MVB12B: variants seen among roughly 807,000 people sequenced by gnomAD.
MVB12B encodes multivesicular body subunit 12B, also known as ESCRT-I complex subunit MVB12B.
A neutral mutation model predicts 41.6 loss-of-function variants in MVB12B; 16 were observed. The observed-to-expected ratio is 0.38, with a 90% CI of 0.26 to 0.58. MVB12B has a LOEUF of 0.58. MVB12B is among the 20% of genes least tolerant of loss of function. The pLI is 0.62. For synonymous variants in MVB12B, 133 were observed against 139.7 expected (o/e 0.95, Z 0.34); for missense variants, 274 against 380.2 (o/e 0.72, Z 2.32).
chr9:126,418,658 C>T (rs1831899096), intron 6 of MVB12B, among the ~76,000 whole-genome samples: 1 of 152,172 alleles, frequency 6.6e-6, no homozygotes, highest in South Asian at 2.1e-4. Flanking sequence ...CTCCACGTGG[C>T]CTGGCCCCAC....
chr9:126,442,767 T>C (rs2119142309), intron 7 of MVB12B, among the ~76,000 whole-genome samples: 1 of 152,236 alleles, frequency 6.6e-6, no homozygotes. Flanking sequence ...CTTCTGGCCA[T>C]GGTGGCAAGG....
chr9:126,431,739 G>A (rs1240151095), intron 7 of MVB12B, among the ~76,000 whole-genome samples: 7 of 152,186 alleles, frequency 4.6e-5, no homozygotes, highest in Non-Finnish European at 7.3e-5. Context: ...GAAGCAGGGT[G>A]GGAGCCCAAA....
intron 2 of MVB12B, among the ~76,000 whole-genome samples, chr9:126,341,491 A>G (rs185871626): frequency 3.5e-4 from 53 of 152,340 alleles, no homozygotes; most frequent in Non-Finnish European, 6.0e-4. Context: ...AAGAATGCAT[A>G]AGAGTGAAAG....
Position 126,457,288 on chromosome 9 carries a change from A to G in MVB12B, c.758-24081A>G, listed in dbSNP as rs187808756. ...GGGTGGGATCAGTTTTTTAAAATAA[A>G]GAGACGAAGTGTCACTTCAAGGGAG... On this transcript the variant is annotated intron_variant, in intron 7 of 9. Coordinates refer to ENST00000361171, the MANE Select transcript of MVB12B (RefSeq NM_033446.3). Among the ~76,000 whole-genome samples, 186 of 152,316 alleles carry G rather than the reference A, an allele frequency of 1.2e-3. 1 individual carries two copies. Among genetic ancestry groups the G allele is most frequent in the Non-Finnish European group, 2.0e-3 (134 of 68,026 alleles).
rs1178292936 is a variant in MVB12B, at chr9:126,486,240, G to T, written c.873+2208G>T. 4.6e-5 allele frequency among the ~76,000 whole-genome samples: 7 copies of T among 152,174 alleles called. 1 individual carries two copies. In the East Asian group the frequency reaches 1.4e-3, roughly 29 times the overall value. ...GCTGGCTGGGACATTAGAAACATAG[G>T]TGTGCATAAAATTTCACACCTGCCC... On this transcript the variant is annotated intron_variant, in intron 9 of 9. Coordinates refer to ENST00000361171, the MANE Select transcript of MVB12B (RefSeq NM_033446.3). The surrounding 1 kb of genome is among the most constrained non-coding windows in gnomAD (Gnocchi z 4.7).
intron 2 of MVB12B, among the ~76,000 whole-genome samples, chr9:126,341,934 A>C (rs900971371): frequency 6.6e-6 from 1 of 152,218 alleles, no homozygotes; most frequent in African/African-American, 2.4e-5. Flanking sequence ...AATGCTACAC[A>C]TCCCTTCTCC....
intron 1 of MVB12B, among the ~76,000 whole-genome samples, chr9:126,332,458 C>A (rs1829156408): frequency 6.6e-6 from 1 of 152,196 alleles, no homozygotes; most frequent in African/African-American, 2.4e-5. Flanking sequence ...CTGCAGCCAG[C>A]CTGGGCACCC....
intron 7 of MVB12B, among the ~76,000 whole-genome samples, chr9:126,467,334 T>G (rs1484806104): frequency 6.6e-6 from 1 of 152,156 alleles, no homozygotes; most frequent in East Asian, 1.9e-4. Context: ...ATCGATAGAG[T>G]CTCACTCTCA....
At chr9:126,457,022 G>C (rs984459285) in intron 7 of MVB12B, among the ~76,000 whole-genome samples, 3 of 152,128 alleles carry the variant, frequency 2.0e-5, no homozygotes, top group African/African-American at 7.2e-5. Context: ...GCTCTCACCA[G>C]AGTTTCTTCC....
intron 9 of MVB12B, among the ~76,000 whole-genome samples, chr9:126,491,433 T>C (rs2119222141): frequency 6.6e-6 from 1 of 152,300 alleles, no homozygotes. Context: ...TTGAAGAATT[T>C]TGTGGCGCGA....
In MVB12B at chr9:126,478,547, G is replaced by A. The variant is rs1007487572; in HGVS notation, c.758-2822G>A. 6.6e-6 allele frequency among the ~76,000 whole-genome samples: 1 copy of A among 152,202 alleles called. No individual in the cohort carries two copies. The highest frequency in any genetic ancestry group is 2.4e-5 in the African/African-American group (1 of 41,452). ...CTGCAGGAGAGGCACTCAGAAGACT[G>A]GGAAGGACAGTTGAGGTACAAGCAT... On this transcript the variant is annotated intron_variant, in intron 7 of 9. Transcript: ENST00000361171. The surrounding 1 kb of genome is among the most constrained non-coding windows in gnomAD (Gnocchi z 4.2).
At position 126,503,628 on chromosome 9, in the gene MVB12B, G is replaced by A. The variant is rs1211042313; in HGVS notation, c.*365G>A. On this transcript the variant is annotated 3_prime_UTR_variant, in exon 10 of 10. Transcript: ENST00000361171. ...CCAGTGACGCCCACCGGCTCCCTCC[G>A]CTCCCTCCTGTCACCTACCAGGGCA... is the stretch of plus-strand genomic sequence containing the variant. The A allele has an allele frequency of 2.6e-5, 6 of 227,372 alleles. No individual in the cohort carries two copies. Among genetic ancestry groups the A allele is most frequent in the Non-Finnish European group, 3.8e-5 (5 of 131,828 alleles). 14.1% of individuals were successfully genotyped at this position (227,372 alleles called of 1,614,324 possible).
At chr9:126,380,102 T>C (rs1462877535) in intron 2 of MVB12B, among the ~76,000 whole-genome samples, 1 of 152,128 alleles carries the variant, frequency 6.6e-6, no homozygotes, top group Non-Finnish European at 1.5e-5. Flanking sequence ...TTCCTGGATG[T>C]CCCCCTTCGC....
chr9:126,465,635 A>AC (rs1156631238), intron 7 of MVB12B, among the ~76,000 whole-genome samples: 4 of 123,806 alleles, frequency 3.2e-5, no homozygotes, highest in South Asian at 2.8e-4. Context: ...CATGGAGCTT[A>AC]CCCTTTAAAT....
chr9:126,359,400 G>C (rs1287625306), intron 2 of MVB12B, among the ~76,000 whole-genome samples: 1 of 152,070 alleles, frequency 6.6e-6, no homozygotes, highest in Non-Finnish European at 1.5e-5. Flanking sequence ...TAGTATTAGG[G>C]TAATACTGGT....
chr9:126,396,122 C>A (rs1042332476), intron 6 of MVB12B: 5 of 990,854 alleles, frequency 5.0e-6, no homozygotes, highest in East Asian at 1.1e-4. Context: ...CATATAATTT[C>A]TTTTTCCAAT....
rs78234844 is a variant in MVB12B at position 126,422,575 on chromosome 9, G to A, written c.757+627G>A. On this transcript the variant is annotated intron_variant, in intron 7 of 9. Transcript: ENST00000361171. ...CAGCACAGGTGACTTGCTAAGAGCC[G>A]AGGAAACCCACAAACTCGCCTCCGA... Among the ~76,000 whole-genome samples, 557 of 152,242 alleles carry A rather than the reference G, an allele frequency of 3.7e-3. 2 individuals carry two copies. Among genetic ancestry groups the A allele is most frequent in the Admixed American group, 7.6e-3 (117 of 15,308 alleles).
At chr9:126,419,096 T>C (rs1831918497) in intron 6 of MVB12B, among the ~76,000 whole-genome samples, 2 of 152,184 alleles carry the variant, frequency 1.3e-5, no homozygotes, top group Admixed American at 1.3e-4. Flanking sequence ...CTCCCAAAGT[T>C]CTGCTAATGC....
At position 126,386,905 on chromosome 9, in the gene MVB12B, G is replaced by A. The variant is rs1039889943; in HGVS notation, c.409+247G>A. 6.6e-6 allele frequency among the ~76,000 whole-genome samples: 1 copy of A among 152,078 alleles called. No individual in the cohort carries two copies. Among genetic ancestry groups the A allele is most frequent in the Non-Finnish European group, 1.5e-5 (1 of 68,022 alleles). ...TTCTTTTAGAATGGTGCTCCCTGCT[G>A]AATCGGCTCACTGGGGAATGGAATG... is the stretch of plus-strand genomic sequence containing the variant. On this transcript the variant is annotated intron_variant, in intron 4 of 9. Coordinates refer to ENST00000361171, the MANE Select transcript of MVB12B (RefSeq NM_033446.3). The surrounding 1 kb of genome is among the most constrained non-coding windows in gnomAD (Gnocchi z 4.3).
Sources: allele counts gnomAD v4.1 joint callset (sites outside exome capture counted in the v4.1 genomes callset), GRCh38; gene constraint gnomAD v4.1.1; non-coding constraint Gnocchi (gnomAD v3.1); transcripts MANE v1.5; gene names NCBI Gene and HGNC (gene_info 2026-07-23, HGNC 2026-07-21).